The following RBFOX1 variants were observed in gnomAD, a reference collection of about 807,000 sequenced individuals.
RBFOX1 encodes RNA binding protein fox-1 homolog 1.
RBFOX1 carries 8 observed loss-of-function variants against 57.7 expected under a neutral mutation model. The observed-to-expected ratio is 0.14, with a 90% CI of 0.08 to 0.25. RBFOX1 has a LOEUF of 0.25. Ranked by LOEUF, RBFOX1 falls within the 10% of genes least tolerant of loss-of-function variation. The pLI is 1.00. For missense variants in RBFOX1, 611 were observed against 548.5 expected, an observed-to-expected ratio of 1.11 and a Z score of -1.14; for synonymous variants, 326 against 222.4, an observed-to-expected ratio of 1.47 and a Z score of -4.15.
intron 11 of RBFOX1, among the ~76,000 whole-genome samples, chr16:7,648,233 T>A (rs6501004): frequency 0.35 from 53,006 of 151,930 alleles, 9,578 homozygotes; most frequent in Middle Eastern, 0.4. Context: ...TTATTTATTT[T>A]TTTTGAGACT....
At chr16:6,225,276 A>T (rs553275798) in intron 1 of RBFOX1, among the ~76,000 whole-genome samples, 1 of 152,122 alleles carries the variant, frequency 6.6e-6, no homozygotes, top group Non-Finnish European at 1.5e-5. Flanking sequence ...AAAGCTTGGT[A>T]TCAAAAGCTG....
intron 12 of RBFOX1, among the ~76,000 whole-genome samples, chr16:7,659,634 A>C (rs2067198425): frequency 6.6e-6 from 1 of 152,210 alleles, no homozygotes; most frequent in Admixed American, 6.5e-5. Flanking sequence ...TAAGAAAGTT[A>C]ATGGATTTGT....
intron 3 of RBFOX1, among the ~76,000 whole-genome samples, chr16:6,935,842 A>G (rs763281073): frequency 2.6e-5 from 4 of 152,142 alleles, no homozygotes; most frequent in Non-Finnish European, 4.4e-5. Flanking sequence ...CGGGGCCAGG[A>G]TACCTGTGGT....
intron 1 of RBFOX1, among the ~76,000 whole-genome samples, chr16:6,074,124 A>C (rs1179485007): frequency 6.6e-6 from 1 of 151,858 alleles, no homozygotes; most frequent in Non-Finnish European, 1.5e-5. Context: ...AATTTTTTGT[A>C]GTTTTAGTAG....
intron 3 of RBFOX1, among the ~76,000 whole-genome samples, chr16:5,696,724 A>C (rs1215519299): frequency 6.6e-6 from 1 of 152,078 alleles, no homozygotes; most frequent in Non-Finnish European, 1.5e-5. Flanking sequence ...TTACATTCTT[A>C]TGATATTGCC....
chr16:5,707,344 T>A (rs2051289227), intron 3 of RBFOX1, among the ~76,000 whole-genome samples: 1 of 152,212 alleles, frequency 6.6e-6, no homozygotes, highest in Non-Finnish European at 1.5e-5. Context: ...ATTTTGTAAG[T>A]CAGTTCTTTA....
intron 4 of RBFOX1, among the ~76,000 whole-genome samples, chr16:7,190,068 A>G (rs975782726): frequency 1.3e-5 from 2 of 152,214 alleles, no homozygotes; most frequent in African/African-American, 4.8e-5. Context: ...TAAATTTAAA[A>G]TAAAAATCTT....
chr16:6,170,235 G>C lies in RBFOX1; in HGVS notation c.-126-146760G>C, dbSNP rs148768225. Reference sequence around the variant, plus strand: ...CATGAGGTAATGAGAGACTATGAAAGCCGTGTTCATGTCCAGTATTTGCCA... The same window carrying C: ...CATGAGGTAATGAGAGACTATGAAACCCGTGTTCATGTCCAGTATTTGCCA... On this transcript the variant is annotated intron_variant, in intron 1 of 15. Coordinates refer to ENST00000550418, the MANE Select transcript of RBFOX1 (RefSeq NM_018723.4). Among the ~76,000 whole-genome samples the C allele has an allele frequency of 2.0e-5, 3 of 152,260 alleles. No homozygotes were observed. The East Asian group carries it at 5.8e-4, about 29-fold the overall frequency.
chr16:6,472,681 T>G lies in RBFOX1; in HGVS notation c.-64+155624T>G, dbSNP rs149547609. Among the ~76,000 whole-genome samples the G allele has an allele frequency of 4.3e-3, 657 of 151,974 alleles. 4 individuals carry two copies. Among genetic ancestry groups the G allele is most frequent in the African/African-American group, 0.015 (620 of 41,434 alleles). ...CTTTGTTGCCCAGGCTGGAGTGCAGTGGCGCAATCTTGGCTCACTGCAACC... is the reference window on the plus strand; with the variant it reads ...CTTTGTTGCCCAGGCTGGAGTGCAGGGGCGCAATCTTGGCTCACTGCAACC... On this transcript the variant is annotated intron_variant, in intron 2 of 15. Transcript: ENST00000550418.
rs569104992 is a variant in RBFOX1, at chr16:7,068,223, T to A, written c.27+16125T>A. Among the ~76,000 whole-genome samples, 5 of 152,258 alleles carry A rather than the reference T, an allele frequency of 3.3e-5. No homozygotes were observed. In the East Asian group the frequency reaches 9.7e-4, roughly 30 times the overall value. On this transcript the variant is annotated intron_variant, in intron 4 of 15. Coordinates refer to ENST00000550418, the MANE Select transcript of RBFOX1 (RefSeq NM_018723.4). Reference sequence around the variant, plus strand: ...TACCATAGCATACATAGATCTAAGATCAGCCAGCCAAGATTGTCGGTCCAA... The same window carrying A: ...TACCATAGCATACATAGATCTAAGAACAGCCAGCCAAGATTGTCGGTCCAA...
At chr16:6,882,391 C>G (rs187129576) in intron 3 of RBFOX1, among the ~76,000 whole-genome samples, 4 of 152,096 alleles carry the variant, frequency 2.6e-5, no homozygotes, top group East Asian at 1.9e-4. Flanking sequence ...CTGATTCTCT[C>G]TCTTCCCAGC....
intron 2 of RBFOX1, among the ~76,000 whole-genome samples, chr16:5,596,040 GAGAT>G (rs1336437884): frequency 6.6e-6 from 1 of 152,180 alleles, no homozygotes; most frequent in Non-Finnish European, 1.5e-5. Flanking sequence ...GGCACAATGA[GAGAT>G]AGACAGCTAA....
intron 3 of RBFOX1, among the ~76,000 whole-genome samples, chr16:5,699,574 G>C (rs1421266155): frequency 6.6e-6 from 1 of 151,924 alleles, no homozygotes; most frequent in African/African-American, 2.4e-5. Flanking sequence ...TCTGCTTGGG[G>C]GCAAAATTGC....
chr16:7,327,998 C>A (rs1391051868), intron 4 of RBFOX1, among the ~76,000 whole-genome samples: 1 of 152,106 alleles, frequency 6.6e-6, no homozygotes, highest in Non-Finnish European at 1.5e-5. Context: ...ACTTCTGTTT[C>A]TTCCTTCTCT....
At chr16:6,387,387 C>G (rs765738695) in intron 2 of RBFOX1, among the ~76,000 whole-genome samples, 1 of 150,992 alleles carries the variant, frequency 6.6e-6, no homozygotes, top group Non-Finnish European at 1.5e-5. Flanking sequence ...TGCAACTTGA[C>G]TTCTATTTAC....
intron 1 of RBFOX1, among the ~76,000 whole-genome samples, chr16:5,256,966 T>C: frequency 6.6e-6 from 1 of 151,554 alleles, no homozygotes; most frequent in Non-Finnish European, 1.5e-5. Flanking sequence ...AAGTTAACAC[T>C]TCCTCCATCT....
intron 4 of RBFOX1, among the ~76,000 whole-genome samples, chr16:5,964,409 G>C (rs2059805753): frequency 6.6e-6 from 1 of 152,090 alleles, no homozygotes; most frequent in Admixed American, 6.6e-5. Context: ...AAATCCAAAG[G>C]AAATAAAGAG....
intron 3 of RBFOX1, among the ~76,000 whole-genome samples, chr16:6,816,794 G>C (rs1421392040): frequency 6.6e-6 from 1 of 151,704 alleles, no homozygotes; most frequent in East Asian, 1.9e-4. Context: ...ACCCAGGTTG[G>C]ACTGCAGTGA....
In RBFOX1 at chr16:6,838,728, G is replaced by A. The variant is rs189817123; in HGVS notation, c.-16+184078G>A. Among the ~76,000 whole-genome samples, 181 of 152,216 alleles carry A rather than the reference G, an allele frequency of 1.2e-3. 1 individual carries two copies. Among genetic ancestry groups the A allele is most frequent in the African/African-American group, 4.1e-3 (171 of 41,562 alleles). On this transcript the variant is annotated intron_variant, in intron 3 of 15. Transcript: ENST00000550418. Reference sequence around the variant, plus strand: ...CTGGGGGCTTGCCCGTCCTGCATCGGTAATACATTTGCTTAGCATCCTCCA... The same window carrying A: ...CTGGGGGCTTGCCCGTCCTGCATCGATAATACATTTGCTTAGCATCCTCCA...
Sources: allele counts gnomAD v4.1 joint callset (sites outside exome capture counted in the v4.1 genomes callset), GRCh38; gene constraint gnomAD v4.1.1; transcripts MANE v1.5; gene names NCBI Gene and HGNC (gene_info 2026-07-23, HGNC 2026-07-21).